The following BMP5 variants were observed in gnomAD, a reference collection of about 807,000 sequenced individuals.
BMP5 encodes bone morphogenetic protein 5.
In BMP5, 23 loss-of-function variants were observed where a neutral mutation model predicts 46.6. The observed-to-expected ratio is 0.49, with a 90% confidence interval of 0.35 to 0.70. BMP5 has a LOEUF of 0.70. Ranked by LOEUF, BMP5 falls within the 30% of genes least tolerant of loss-of-function variation. The pLI is 0.00. For synonymous variants in BMP5, 204 were observed against 191.9 expected (o/e 1.06, Z -0.52); for missense variants, 545 against 565.6 (o/e 0.96, Z 0.37).
chr6:55,852,431 T>C (rs76913604), intron 1 of BMP5, among the ~76,000 whole-genome samples: 2,750 of 152,276 alleles, frequency 0.018, 87 homozygotes, highest in African/African-American at 0.062. Flanking sequence ...TTTTTATTTA[T>C]ATAAAATTTA....
intron 1 of BMP5, among the ~76,000 whole-genome samples, chr6:55,847,454 G>T (rs915017629): frequency 6.6e-6 from 1 of 151,816 alleles, no homozygotes; most frequent in African/African-American, 2.4e-5. Context: ...GTGATCATAG[G>T]TTTACACCAC....
intron 3 of BMP5, among the ~76,000 whole-genome samples, chr6:55,778,643 A>G (rs1463566582): frequency 6.6e-6 from 1 of 152,082 alleles, no homozygotes; most frequent in African/African-American, 2.4e-5. Context: ...TCTCCTCAAA[A>G]TTATTGTACC....
intron 1 of BMP5, among the ~76,000 whole-genome samples, chr6:55,834,845 T>C (rs1199489189): frequency 6.6e-6 from 1 of 152,056 alleles, no homozygotes; most frequent in Non-Finnish European, 1.5e-5. Context: ...CTTTGGGAAG[T>C]TGAGGCAGGT....
intron 1 of BMP5, among the ~76,000 whole-genome samples, chr6:55,820,775 T>C (rs1011450849): frequency 6.6e-6 from 1 of 152,092 alleles, no homozygotes; most frequent in African/African-American, 2.4e-5. Flanking sequence ...TTTTTATAAA[T>C]TCTTACCCCT....
At chr6:55,778,287 G>GTT (rs1175351005) in intron 3 of BMP5, among the ~76,000 whole-genome samples, 4 of 151,974 alleles carry the variant, frequency 2.6e-5, no homozygotes, top group Non-Finnish European at 4.4e-5. Flanking sequence ...GCTGGAAGCT[G>GTT]TTCAAGCTTA....
chr6:55,770,623 G>C (rs1410449361), intron 4 of BMP5, among the ~76,000 whole-genome samples: 10 of 151,902 alleles, frequency 6.6e-5, no homozygotes, highest in Non-Finnish European at 1.2e-4. Context: ...CTTGACAACT[G>C]TTTGTTTGGC....
rs529200500 is a variant in BMP5, at chr6:55,829,702, C to T, written c.491-9855G>A. On this transcript the variant is annotated intron_variant, in intron 1 of 6. Coordinates refer to ENST00000370830, the MANE Select transcript of BMP5 (RefSeq NM_021073.4). Reference sequence around the variant, plus strand: ...AGAAAAAAAGGTAATTCAAAAAATACATAACCATGCAAAAAAAATAACATT... The same window carrying T: ...AGAAAAAAAGGTAATTCAAAAAATATATAACCATGCAAAAAAAATAACATT... Among the ~76,000 whole-genome samples, 19 of 151,734 alleles carry T rather than the reference C, an allele frequency of 1.3e-4. 2 individuals carry two copies. The South Asian group carries it at 3.5e-3, about 28-fold the overall frequency.
intron 2 of BMP5, among the ~76,000 whole-genome samples, chr6:55,797,552 C>T (rs1174533796): frequency 6.6e-6 from 1 of 151,840 alleles, no homozygotes; most frequent in Non-Finnish European, 1.5e-5. Flanking sequence ...AAAGAAAAAG[C>T]CCATTTACAT....
rs567481738 is a variant in BMP5 at position 55,774,875 on chromosome 6, G to A, written c.833-632C>T. Among the ~76,000 whole-genome samples, 6 of 152,010 alleles carry A rather than the reference G, an allele frequency of 3.9e-5. No individual in the cohort carries two copies. The East Asian group carries it at 1.2e-3, about 30-fold the overall frequency. On this transcript the variant is annotated intron_variant, in intron 3 of 6. Coordinates refer to ENST00000370830, the MANE Select transcript of BMP5 (RefSeq NM_021073.4). ...AGTGGCAAAAACTGCAATTACCTTT[G>A]CACCAACCTGATAATTATCAATATG...
rs889410886 is a variant in BMP5, at chr6:55,760,597, G to A, written c.1028-64C>T. The A allele has an allele frequency of 2.4e-5, 33 of 1,384,230 alleles. No homozygotes were observed. In the South Asian group the frequency reaches 3.7e-4, roughly 16 times the overall value. 85.7% of individuals were successfully genotyped at this position (1,384,230 alleles called of 1,614,324 possible). ...ACAGATATACTAATACTTCTTTTGT[G>A]AGATCACTGGTAAGATTTTTTAAAG... On this transcript the variant is annotated intron_variant, in intron 4 of 6. Transcript: ENST00000370830.
chr6:55,804,413 G>A (rs1269147235), intron 2 of BMP5, among the ~76,000 whole-genome samples: 2 of 152,086 alleles, frequency 1.3e-5, no homozygotes, highest in Non-Finnish European at 2.9e-5. Context: ...GGTTTTGGAG[G>A]GTGCGTGGCC....
intron 4 of BMP5, among the ~76,000 whole-genome samples, chr6:55,763,735 A>G (rs768864822): frequency 6.6e-6 from 1 of 152,202 alleles, no homozygotes; most frequent in East Asian, 1.9e-4. Flanking sequence ...TGTCTTATCC[A>G]TAGTGCAAGT....
At chr6:55,853,167 TA>T (rs932564976) in intron 1 of BMP5, among the ~76,000 whole-genome samples, 3 of 59,692 alleles carry the variant, frequency 5.0e-5, no homozygotes, top group Non-Finnish European at 1.1e-4. Flanking sequence ...TAAAATAAAA[TA>T]AAATAAAATA....
At chr6:55,810,947 A>G (rs2127535183) in intron 2 of BMP5, among the ~76,000 whole-genome samples, 1 of 152,304 alleles carries the variant, frequency 6.6e-6, no homozygotes, top group Middle Eastern at 3.4e-3. Context: ...GTGTTTCCAT[A>G]CATTGCTAAA....
At chr6:55,816,707 A>T (rs1562052265) in intron 2 of BMP5, among the ~76,000 whole-genome samples, 1 of 152,184 alleles carries the variant, frequency 6.6e-6, no homozygotes, top group East Asian at 1.9e-4. Flanking sequence ...CTGCTGAACT[A>T]GCATTCCATA....
chr6:55,824,303 T>C (rs1239981008), intron 1 of BMP5, among the ~76,000 whole-genome samples: 1 of 151,938 alleles, frequency 6.6e-6, no homozygotes, highest in African/African-American at 2.4e-5. Flanking sequence ...GAGAAGTGTA[T>C]ACTATTATTG....
At chr6:55,792,440 G>A (rs530317446) in intron 3 of BMP5, among the ~76,000 whole-genome samples, 4 of 151,000 alleles carry the variant, frequency 2.6e-5, no homozygotes, top group African/African-American at 9.8e-5. Context: ...AGGCTGAGGC[G>A]AGAGAATGGC....
At chr6:55,792,285 G>A (rs1775588790) in intron 3 of BMP5, among the ~76,000 whole-genome samples, 1 of 152,148 alleles carries the variant, frequency 6.6e-6, no homozygotes. Context: ...TGTAATCCCA[G>A]CACTTTGGAA....
At chr6:55,762,864 A>T (rs1212244721) in intron 4 of BMP5, among the ~76,000 whole-genome samples, 1 of 152,212 alleles carries the variant, frequency 6.6e-6, no homozygotes, top group African/African-American at 2.4e-5. Flanking sequence ...TCTCCTTGCA[A>T]CTACTCGATT....
Sources: allele counts gnomAD v4.1 joint callset (sites outside exome capture counted in the v4.1 genomes callset), GRCh38; gene constraint gnomAD v4.1.1; transcripts MANE v1.5; gene names NCBI Gene and HGNC (gene_info 2026-07-23, HGNC 2026-07-21).